Variants in FCHSD2 observed in about 807,000 individuals in gnomAD.
FCHSD2 encodes the protein F-BAR and double SH3 domains protein 2.
In FCHSD2, 38 loss-of-function variants were observed where a neutral mutation model predicts 108.1. The ratio of observed to expected loss-of-function variants is 0.35; its 90% CI spans 0.27 to 0.46. The LOEUF (loss-of-function observed/expected upper bound fraction) is 0.46, where lower values mean the gene tolerates loss of function less well. Among genes scored for constraint, FCHSD2 ranks in the 20% least tolerant of loss-of-function variants. The pLI, the probability that FCHSD2 is intolerant of heterozygous loss-of-function variation, is 1.00. For missense variants in FCHSD2, 751 were observed against 897.8 expected (o/e 0.84, Z 2.09); for synonymous variants, 279 against 314.7 (o/e 0.89, Z 1.20).
At chr11:73,112,393 T>G (rs1464805058) in intron 2 of FCHSD2, among the ~76,000 whole-genome samples, 1 of 152,228 alleles carries the variant, frequency 6.6e-6, no homozygotes, top group Non-Finnish European at 1.5e-5. Context: ...TTTTGTTTCT[T>G]TTCTCTTGCT....
chr11:72,857,582 G>C (rs1861458959), intron 13 of FCHSD2, among the ~76,000 whole-genome samples: 1 of 151,524 alleles, frequency 6.6e-6, no homozygotes, highest in Non-Finnish European at 1.5e-5. Context: ...GGGACTACAG[G>C]TGTGTGCCAC....
chr11:72,842,612 C>T lies in FCHSD2; in HGVS notation c.1926+9G>A, dbSNP rs370065778. On this transcript the variant is annotated intron_variant, in intron 17 of 19. Transcript: ENST00000409418. ...ATCTTTTAATTCAACTGTCTCCCCT[C>T]TCAGGTACCTGAATCTCTCTCATCC... 77 of 1,613,986 alleles carry T rather than the reference C, an allele frequency of 4.8e-5. No individual in the cohort carries two copies. The African/African-American group carries it at 9.9e-4, about 21-fold the overall frequency.
intron 3 of FCHSD2, among the ~76,000 whole-genome samples, chr11:73,030,550 T>C (rs1323495262): frequency 6.6e-6 from 1 of 152,172 alleles, no homozygotes; most frequent in South Asian, 2.1e-4. Context: ...TCCTGGGCAT[T>C]GTATAAGGTC....
At chr11:72,881,404 T>C (rs1052005375) in intron 12 of FCHSD2, among the ~76,000 whole-genome samples, 1 of 152,204 alleles carries the variant, frequency 6.6e-6, no homozygotes, top group South Asian at 2.1e-4. Context: ...CTAGTGAAGA[T>C]GCAGAAAAAA....
chr11:72,841,678 A>G (rs2135152120), intron 17 of FCHSD2, 95 bp from the exon 18 acceptor site: 1 of 1,285,260 alleles, frequency 7.8e-7, no homozygotes, highest in Non-Finnish European at 1.0e-6. Context: ...CCTTTTCTCT[A>G]AAGCTAAGCT....
chr11:72,952,091 G>A (rs1856630879), intron 8 of FCHSD2, among the ~76,000 whole-genome samples: 1 of 152,148 alleles, frequency 6.6e-6, no homozygotes, highest in Admixed American at 6.5e-5. Flanking sequence ...ATGAAGACAA[G>A]ATTAGACAGG....
intron 16 of FCHSD2, 141 bp downstream of exon 16, chr11:72,843,010 G>C (rs887664189): frequency 1.1e-6 from 1 of 928,904 alleles, no homozygotes; most frequent in Admixed American, 2.5e-5. Context: ...TACTGTGCAG[G>C]ACAAACGTGA....
chr11:73,054,235 A>C (rs972232606), intron 3 of FCHSD2, among the ~76,000 whole-genome samples: 1 of 151,912 alleles, frequency 6.6e-6, no homozygotes, highest in Non-Finnish European at 1.5e-5. Context: ...AAAAAAAAAA[A>C]AGTTTGCCAA....
At chr11:73,141,753 G>T (rs936073453) in intron 1 of FCHSD2, 104 bp downstream of exon 1, 3 of 1,240,172 alleles carry the variant, frequency 2.4e-6, no homozygotes, top group Non-Finnish European at 3.3e-6. Flanking sequence ...AGACGAGGGC[G>T]GTCACGGCCC....
chr11:72,999,060 T>C (rs1183019651), intron 5 of FCHSD2, among the ~76,000 whole-genome samples: 1 of 152,196 alleles, frequency 6.6e-6, no homozygotes, highest in Non-Finnish European at 1.5e-5. Context: ...TGAATTCTAA[T>C]ACCATCATTT....
chr11:72,931,859 C>T (rs959694931), intron 8 of FCHSD2, among the ~76,000 whole-genome samples: 4 of 152,282 alleles, frequency 2.6e-5, no homozygotes, highest in South Asian at 2.1e-4. Flanking sequence ...CAGGGCTATG[C>T]GTATATTCTT....
At chr11:73,012,000 C>CT (rs1461149485) in intron 4 of FCHSD2, among the ~76,000 whole-genome samples, 1 of 152,118 alleles carries the variant, frequency 6.6e-6, no homozygotes, top group Non-Finnish European at 1.5e-5. Context: ...TATATAAACC[C>CT]TTTGATCCAG....
At chr11:72,917,804 C>G (rs774773028) in intron 9 of FCHSD2, among the ~76,000 whole-genome samples, 1 of 151,966 alleles carries the variant, frequency 6.6e-6, no homozygotes, top group African/African-American at 2.4e-5. Flanking sequence ...AGGAGAATCG[C>G]TTGAACCTGG....
intron 4 of FCHSD2, among the ~76,000 whole-genome samples, chr11:73,006,551 C>A (rs115718387): frequency 1.3e-5 from 2 of 152,214 alleles, no homozygotes; most frequent in African/African-American, 4.8e-5. Context: ...CCGCTTTGAG[C>A]CACCCTCACC....
intron 3 of FCHSD2, among the ~76,000 whole-genome samples, chr11:73,066,911 G>A (rs367550753): frequency 1.7e-4 from 26 of 152,272 alleles, no homozygotes; most frequent in African/African-American, 5.3e-4. Context: ...CAACCATTGT[G>A]GAAGACAGTG....
At chr11:72,880,264 A>C (rs897260152) in intron 12 of FCHSD2, among the ~76,000 whole-genome samples, 40 of 152,226 alleles carry the variant, frequency 2.6e-4, no homozygotes, top group African/African-American at 9.4e-4. Flanking sequence ...CAGAAATAGA[A>C]AAAAAAATCC....
At chr11:72,904,965 T>C (rs1855598178) in intron 9 of FCHSD2, among the ~76,000 whole-genome samples, 1 of 152,230 alleles carries the variant, frequency 6.6e-6, no homozygotes, top group Admixed American at 6.5e-5. Flanking sequence ...TTTTTTGTCT[T>C]GTTTATTTAT....
chr11:72,975,351 T>C (rs1382794503), intron 8 of FCHSD2, among the ~76,000 whole-genome samples: 1 of 152,036 alleles, frequency 6.6e-6, no homozygotes, highest in Non-Finnish European at 1.5e-5. Flanking sequence ...TTACCAGAGG[T>C]TGGGAAGGAT....
At chr11:72,860,963 C>T (rs1483339239) in intron 13 of FCHSD2, among the ~76,000 whole-genome samples, 1 of 152,076 alleles carries the variant, frequency 6.6e-6, no homozygotes, top group African/African-American at 2.4e-5. Context: ...GAAGAAAACT[C>T]TCAAATCAAT....
Sources: allele counts gnomAD v4.1 joint callset (sites outside exome capture counted in the v4.1 genomes callset), GRCh38; gene constraint gnomAD v4.1.1; transcripts MANE v1.5; gene names NCBI Gene and HGNC (gene_info 2026-07-23, HGNC 2026-07-21).